The following SUN3 variants were observed in gnomAD, a reference collection of about 807,000 sequenced individuals.
SUN3 encodes Sad1 and UNC84 domain containing 3.
SUN3 carries 36 observed loss-of-function variants against 48.2 expected under a neutral mutation model. The observed-to-expected ratio is 0.75, with a 90% CI of 0.57 to 0.99. The LOEUF is 0.99. Among genes scored for constraint, SUN3 ranks in the 50% least tolerant of loss-of-function variants. SUN3 has a pLI of 0.00. For missense variants in SUN3, 419 were observed against 433.1 expected, an observed-to-expected ratio of 0.97 and a Z score of 0.29; for synonymous variants, 148 against 147.9, an observed-to-expected ratio of 1.00 and a Z score of 0.00.
chr7:48,007,214 T>G lies in SUN3; in HGVS notation c.443A>C (p.His148Pro), dbSNP rs906902510. The G allele has an allele frequency of 6.2e-7, 1 of 1,614,086 alleles. No individual in the cohort carries two copies. Reference protein sequence around the residue: ...RDMKDGMDNNHNWNTHGDPVE... With the variant: ...RDMKDGMDNNPNWNTHGDPVE... Reference sequence around the variant, plus strand: ...AGGGTCTCCATGGGTGTTCCAGTTGTGATTATTGTCCATACCATCCTTCAT... The same window carrying G: ...AGGGTCTCCATGGGTGTTCCAGTTGGGATTATTGTCCATACCATCCTTCAT... The change falls in exon 5 of 10, where the codon CAC becomes CCC. Residue 148 changes from histidine (H) to proline (P), a missense_variant. Coordinates refer to ENST00000297325, the MANE Select transcript of SUN3 (RefSeq NM_001030019.2).
chr7:48,019,788 T>TA (rs1215218410), intron 2 of SUN3, among the ~76,000 whole-genome samples: 2 of 151,446 alleles, frequency 1.3e-5, no homozygotes, highest in Non-Finnish European at 2.9e-5. Context: ...GAAGCCATAA[T>TA]AAAAAATCTC....
chr7:47,999,136 AC>A (rs1296428675), intron 6 of SUN3, among the ~76,000 whole-genome samples: 6 of 152,294 alleles, frequency 3.9e-5, no homozygotes, highest in African/African-American at 1.4e-4. Flanking sequence ...AACATGGTAT[AC>A]TTGTCCATTT....
intron 9 of SUN3, 35 bp from the exon 10 acceptor site, chr7:47,987,484 A>G: frequency 6.7e-7 from 1 of 1,494,878 alleles, no homozygotes; most frequent in Non-Finnish European, 8.9e-7. Context: ...ATGCCTTATA[A>G]CGAAATTCAT....
chr7:48,007,579 G>A (rs947587709), intron 4 of SUN3, among the ~76,000 whole-genome samples: 1 of 152,168 alleles, frequency 6.6e-6, no homozygotes, highest in Non-Finnish European at 1.5e-5. Context: ...GGGCAGGCAA[G>A]GCTCAATCAA....
At chr7:47,993,973 A>G (rs1218951736) in intron 8 of SUN3, among the ~76,000 whole-genome samples, 2 of 152,164 alleles carry the variant, frequency 1.3e-5, no homozygotes, top group African/African-American at 4.8e-5. Flanking sequence ...AAAAGCCAAC[A>G]TGGAGGCAAG....
chr7:47,999,040 C>T (rs1463590887), intron 6 of SUN3, among the ~76,000 whole-genome samples: 1 of 152,112 alleles, frequency 6.6e-6, no homozygotes, highest in Non-Finnish European at 1.5e-5. Flanking sequence ...AATAATCCTG[C>T]TGGGATTTTA....
In SUN3 at chr7:47,988,829, A is replaced by G; in HGVS notation, c.913T>C (p.Tyr305His). The stretch of plus-strand genomic sequence containing the variant: ...TGAACGGTGGTTCCTGTTTTGTTAT[A>G]TATAAACTGACCTAGGAAAATTTCT... ...GEEIFLGQFI[Y>H]NKTGTTVQTF... Residue 305 changes from tyrosine to histidine, a missense_variant, in exon 9 of 10, where the codon TAT (tyrosine) becomes CAT (histidine). Tyr to His is a moderately conservative substitution (Grantham distance 83). Transcript: ENST00000297325. The G allele has an allele frequency of 5.6e-6, 9 of 1,607,568 alleles. No homozygotes were observed. The highest frequency in any genetic ancestry group is 6.8e-6 in the Non-Finnish European group (8 of 1,176,434).
chr7:48,017,229 A>G, intron 3 of SUN3, 33 bp downstream of exon 3: 1 of 1,163,394 alleles, frequency 8.6e-7, no homozygotes, highest in Non-Finnish European at 1.3e-6. Context: ...ACTTTAAATG[A>G]GTGATATACA....
chr7:48,034,877 T>A, the SUN3 span, among the ~76,000 whole-genome samples: 1 of 152,306 alleles, frequency 6.6e-6, no homozygotes, highest in African/African-American at 2.4e-5. Context: ...AACAGAAATA[T>A]TCTCAAAAAA....
rs777981904 is a variant in SUN3, at chr7:48,017,235, A to G, written c.288+27T>C. ...GCATATTAAACTTTAAATGAGTGAT[A>G]TACAAAATTACTTAACAAAATATCA... On this transcript the variant is annotated intron_variant, in intron 3 of 9. Coordinates refer to ENST00000297325, the MANE Select transcript of SUN3 (RefSeq NM_001030019.2). 1.2e-5 allele frequency: 15 copies of G among 1,285,082 alleles called. No homozygotes were observed. The South Asian group carries it at 1.7e-4, about 14-fold the overall frequency. 79.6% of individuals were successfully genotyped at this position (1,285,082 alleles called of 1,614,324 possible).
chr7:47,987,163 TA>T lies in SUN3; in HGVS notation c.*166del, dbSNP rs746862039. On this transcript the variant is annotated 3_prime_UTR_variant, in exon 10 of 10. Transcript: ENST00000297325. The stretch of plus-strand genomic sequence containing the variant: ...GGCAAGGATATTTAATTTACTTCCA[TA>T]TTTTTTTATTAGTAAAATGCATTTA... 9.8e-5 allele frequency: 53 copies of T among 541,706 alleles called. No individual in the cohort carries two copies. The highest frequency in any genetic ancestry group is 4.3e-4 in the African/African-American group (22 of 50,802). The allele number at this position is 541,706 out of a possible 1,614,324, so 33.6% of individuals were successfully genotyped here.
In SUN3 at chr7:48,017,362, A is replaced by G. The variant is rs1189838338; in HGVS notation, c.188T>C (p.Leu63Pro). 5.7e-6 allele frequency: 9 copies of G among 1,571,274 alleles called. No individual in the cohort carries two copies. Among genetic ancestry groups the G allele is most frequent in the Non-Finnish European group, 7.0e-6 (8 of 1,148,370 alleles). ...MLTLTFLLVG[L>P]LNHQWLKETD... ...TTCTTTAAGCCACTGATGATTTAGG[A>G]GTCCTGTTAAAGAAAAGACAAACTT... is the stretch of plus-strand genomic sequence containing the variant. The change falls in exon 3 of 10, where the codon CTC (leucine) becomes CCC (proline). Residue 63 changes from leucine (L) to proline (P), a missense_variant. Transcript: ENST00000297325.
rs201441279 is a variant in SUN3 at position 47,987,448 on chromosome 7, T to G, written c.956A>C (p.His319Pro). ...ACATAATAAATATTCAGAAACTGCA[T>G]GCTGAAAATAAAGAAAAGAAAATCA... ...GTTVQTFELQHAVSEYLLCVK... is the reference protein window; with the variant it reads ...GTTVQTFELQPAVSEYLLCVK... The change falls in exon 10 of 10, where the codon CAT becomes CCT. Residue 319 changes from histidine to proline, a missense_variant and splice_region_variant. Physicochemically the swap from His to Pro is moderately conservative, Grantham distance 77. Transcript: ENST00000297325. 27 of 1,557,168 alleles carry G rather than the reference T, an allele frequency of 1.7e-5. No individual in the cohort carries two copies. Among genetic ancestry groups the G allele is most frequent in the Non-Finnish European group, 2.3e-5 (26 of 1,154,092 alleles).
intron 1 of SUN3, among the ~76,000 whole-genome samples, chr7:48,028,264 A>G (rs766688648): frequency 3.5e-4 from 54 of 152,178 alleles, no homozygotes; most frequent in Admixed American, 5.9e-4. Flanking sequence ...GGGCGTTTGT[A>G]AATAGGTTTA....
chr7:48,034,452 A>T, the SUN3 span, among the ~76,000 whole-genome samples: 3,913 of 151,308 alleles, frequency 0.026, 73 homozygotes, highest in Admixed American at 0.031. Context: ...TTAAAAAAAA[A>T]TTTTCAACAA....
intron 6 of SUN3, among the ~76,000 whole-genome samples, chr7:48,004,240 G>T (rs954273731): frequency 6.6e-6 from 1 of 152,118 alleles, no homozygotes; most frequent in African/African-American, 2.4e-5. Flanking sequence ...TCTTATTTCC[G>T]TAGGAGTTTG....
intron 2 of SUN3, among the ~76,000 whole-genome samples, chr7:48,019,998 AAAAGAAAG>A (rs1789945793): frequency 6.8e-6 from 1 of 147,796 alleles, no homozygotes; most frequent in African/African-American, 2.6e-5. Flanking sequence ...AAAAAAAAAA[AAAAGAAAG>A]AAAGAAAACT....
chr7:48,010,205 A>G (rs189703297), intron 3 of SUN3, among the ~76,000 whole-genome samples: 229 of 152,200 alleles, frequency 1.5e-3, no homozygotes, highest in African/African-American at 5.4e-3. Context: ...CTATTCCAAC[A>G]TGGGATGGTT....
Position 47,992,152 on chromosome 7 carries a change from C to A in SUN3, c.861+2163G>T, listed in dbSNP as rs149763538. On this transcript the variant is annotated intron_variant, in intron 8 of 9. Coordinates refer to ENST00000297325, the MANE Select transcript of SUN3 (RefSeq NM_001030019.2). ...GACCAGATGATTCCCGCTGCAAACT[C>A]ACGACGGATGAGCCCCACCGTGCGC... Among the ~76,000 whole-genome samples, 39 of 152,308 alleles carry A rather than the reference C, an allele frequency of 2.6e-4. 1 individual carries two copies. The highest frequency in any genetic ancestry group is 8.2e-4 in the African/African-American group (34 of 41,548).
Sources: gnomAD v4.1 joint callset for allele counts (sites outside exome capture counted in the v4.1 genomes callset) on GRCh38, gnomAD v4.1.1 for gene constraint, MANE v1.5 for transcripts, NCBI Gene and HGNC (gene_info 2026-07-23, HGNC 2026-07-21) for gene names.